TRAPPC9: variants seen among roughly 807,000 people sequenced by gnomAD.
The protein encoded by TRAPPC9 is trafficking protein particle complex subunit 9.
A neutral mutation model predicts 124.0 loss-of-function variants in TRAPPC9; 83 were observed. That is an observed-to-expected ratio of 0.67 (90% CI 0.56 to 0.80). TRAPPC9 has a LOEUF of 0.80. TRAPPC9 is among the 30% of genes least tolerant of loss of function. TRAPPC9 has a pLI of 0.00. For missense variants in TRAPPC9, 1,302 were observed against 1,508.3 expected (o/e 0.86, Z 2.27); for synonymous variants, 638 against 617.5 (o/e 1.03, Z -0.49).
chr8:140,018,174 T>G (rs1587504128), intron 18 of TRAPPC9, among the ~76,000 whole-genome samples: 1 of 152,018 alleles, frequency 6.6e-6, no homozygotes, highest in Admixed American at 6.6e-5. Context: ...ATCTTTCATT[T>G]CTCTTTATCA....
At chr8:140,346,941 AGCT>A (rs200749962) in intron 9 of TRAPPC9, among the ~76,000 whole-genome samples, 2,245 of 152,268 alleles carry the variant, frequency 0.015, 50 homozygotes, top group African/African-American at 0.051. Context: ...CTCGCTGTGA[AGCT>A]GAGTCAGCAC....
intron 9 of TRAPPC9, among the ~76,000 whole-genome samples, chr8:140,321,241 A>G (rs953823824): frequency 4.5e-4 from 68 of 152,184 alleles, no homozygotes; most frequent in Non-Finnish European, 9.1e-4. Flanking sequence ...CTGGGGCTGG[A>G]GCCACCAAGT....
At chr8:139,987,133 G>A (rs73725367) in intron 19 of TRAPPC9, among the ~76,000 whole-genome samples, 1 of 152,226 alleles carries the variant, frequency 6.6e-6, no homozygotes, top group East Asian at 1.9e-4. Context: ...ACACCATTCC[G>A]TTTGTAAGAA....
Position 140,260,771 on chromosome 8 carries a change from G to C in TRAPPC9, c.2279-7842C>G, listed in dbSNP as rs554607485. Among the ~76,000 whole-genome samples, 8 of 152,278 alleles carry C rather than the reference G, an allele frequency of 5.3e-5. No homozygotes were observed. In the South Asian group the frequency reaches 1.7e-3, roughly 32 times the overall value. On this transcript the variant is annotated intron_variant, in intron 15 of 22. Coordinates refer to ENST00000438773, the MANE Select transcript of TRAPPC9 (RefSeq NM_001160372.4). ...TAAGCAACTTACCCAAAGCCCAACA[G>C]CTAATAAGTAACAGAACCAAGAGTC...
intron 17 of TRAPPC9, among the ~76,000 whole-genome samples, chr8:140,031,139 G>A (rs767558773): frequency 2.0e-4 from 31 of 152,168 alleles, no homozygotes; most frequent in African/African-American, 2.9e-4. Flanking sequence ...GTCTAAGAGC[G>A]AATGTGAGGC....
intron 18 of TRAPPC9, among the ~76,000 whole-genome samples, chr8:140,018,075 C>T (rs1457509798): frequency 1.3e-5 from 2 of 152,072 alleles, no homozygotes; most frequent in African/African-American, 4.8e-5. Context: ...GAACTCCTGA[C>T]CTTGTGATCC....
chr8:139,836,456 G>T (rs889229525), intron 21 of TRAPPC9, among the ~76,000 whole-genome samples: 12 of 152,182 alleles, frequency 7.9e-5, no homozygotes, highest in African/African-American at 2.7e-4. Context: ...CCGCTGGGGG[G>T]ACCTGGAGGA....
intron 9 of TRAPPC9, among the ~76,000 whole-genome samples, chr8:140,336,332 G>A (rs964565645): frequency 2.0e-5 from 3 of 152,162 alleles, no homozygotes; most frequent in Non-Finnish European, 2.9e-5. Context: ...CAAGCCAGCC[G>A]AGATTCCCAA....
At position 139,825,816 on chromosome 8, in the gene TRAPPC9, G is replaced by A. The variant is rs1825584588; in HGVS notation, c.3055+60063C>T. Among the ~76,000 whole-genome samples the A allele has an allele frequency of 6.6e-6, 1 of 152,060 alleles. No individual in the cohort carries two copies. The highest frequency in any genetic ancestry group is 2.4e-5 in the African/African-American group (1 of 41,394). On this transcript the variant is annotated intron_variant, in intron 21 of 22. Transcript: ENST00000438773. This position sits in a 1 kb window ranked among gnomAD's most constrained non-coding sequence, Gnocchi z 4.6. ...CAACAGCCGTGAGACGATGGCCGGA[G>A]CTGAGTGTCAACGCCCAAGGATTTC...
intron 5 of TRAPPC9, among the ~76,000 whole-genome samples, chr8:140,414,967 T>C (rs192300865): frequency 6.6e-6 from 1 of 152,206 alleles, no homozygotes; most frequent in Non-Finnish European, 1.5e-5. Flanking sequence ...CTTGAACTCC[T>C]GACCTCAAAT....
chr8:140,407,101 T>C (rs1487307688), intron 5 of TRAPPC9, among the ~76,000 whole-genome samples: 4 of 152,204 alleles, frequency 2.6e-5, no homozygotes, highest in Non-Finnish European at 5.9e-5. Context: ...ACACGTGTCA[T>C]CATCTACAGC....
At chr8:140,384,593 G>C (rs2068702882) in intron 7 of TRAPPC9, among the ~76,000 whole-genome samples, 1 of 152,124 alleles carries the variant, frequency 6.6e-6, no homozygotes, top group African/African-American at 2.4e-5. Flanking sequence ...TAATGGTAAA[G>C]GTATCAATTC....
intron 17 of TRAPPC9, among the ~76,000 whole-genome samples, chr8:140,072,454 C>T (rs1240055889): frequency 6.6e-6 from 1 of 151,498 alleles, no homozygotes; most frequent in African/African-American, 2.4e-5. Context: ...GGAGGCAGAG[C>T]TTGCAGTGAG....
At chr8:140,310,573 C>T (rs2066269485) in intron 10 of TRAPPC9, among the ~76,000 whole-genome samples, 1 of 152,146 alleles carries the variant, frequency 6.6e-6, no homozygotes, top group Admixed American at 6.5e-5. Context: ...TTTGCATGTG[C>T]CAAAAGGTCT....
At chr8:140,378,349 C>T (rs946086016) in intron 7 of TRAPPC9, among the ~76,000 whole-genome samples, 6 of 152,068 alleles carry the variant, frequency 3.9e-5, no homozygotes, top group African/African-American at 1.4e-4. Context: ...TCATCTGCTG[C>T]CAGCGCAGCT....
At chr8:139,971,703 T>A (rs1007162527) in intron 19 of TRAPPC9, among the ~76,000 whole-genome samples, 2 of 131,186 alleles carry the variant, frequency 1.5e-5, no homozygotes, top group African/African-American at 5.8e-5. Flanking sequence ...GAATGAATGC[T>A]AAAGTTCATA....
At chr8:140,021,021 A>G (rs1195805386) in intron 18 of TRAPPC9, among the ~76,000 whole-genome samples, 2 of 152,200 alleles carry the variant, frequency 1.3e-5, no homozygotes, top group African/African-American at 4.8e-5. Flanking sequence ...TTCTTATAAA[A>G]AAGGTAGTTG....
chr8:140,049,530 T>C (rs1311849452), intron 17 of TRAPPC9, among the ~76,000 whole-genome samples: 1 of 151,454 alleles, frequency 6.6e-6, no homozygotes, highest in Non-Finnish European at 1.5e-5. Context: ...AGCATGAAGA[T>C]AAATCCTACA....
chr8:139,965,124 C>A (rs930778763), intron 19 of TRAPPC9, among the ~76,000 whole-genome samples: 2 of 152,276 alleles, frequency 1.3e-5, no homozygotes, highest in East Asian at 3.9e-4. Context: ...GGACACAGGG[C>A]CCAGCTGCCT....
Sources: allele counts gnomAD v4.1 joint callset (sites outside exome capture counted in the v4.1 genomes callset), GRCh38; gene constraint gnomAD v4.1.1; non-coding constraint Gnocchi (gnomAD v3.1); transcripts MANE v1.5; gene names NCBI Gene and HGNC (gene_info 2026-07-23, HGNC 2026-07-21).